The following SBF2 variants were observed in gnomAD, a reference collection of about 807,000 sequenced individuals.
SBF2 encodes the protein myotubularin-related protein 13.
Under a neutral mutation model 225.2 loss-of-function variants are expected in SBF2, and 112 were observed. The observed-to-expected ratio is 0.50, with a 90% CI of 0.43 to 0.58. The LOEUF (loss-of-function observed/expected upper bound fraction) is 0.58. Among genes scored for constraint, SBF2 ranks in the 20% least tolerant of loss-of-function variants. The pLI, the probability that SBF2 is intolerant of heterozygous loss-of-function variation, is 0.00. For synonymous variants in SBF2, 763 were observed against 773.3 expected (o/e 0.99, Z 0.22); for missense variants, 1,996 against 2,206.2 (o/e 0.90, Z 1.91).
rs2134387621 is a variant in SBF2, at chr11:9,968,386, T to C, written c.1555A>G (p.Thr519Ala). ...VAKNQNAPPA[T>A]RIEKKCVVPA... ...ACAACACATTTCTTTTCTATTCGTG[T>C]GGCAGGAGGTGCATTCTGGTTCTTA... is the stretch of plus-strand genomic sequence containing the variant. The change falls in exon 14 of 40, where the codon ACA (threonine) becomes GCA (alanine). Residue 519 changes from threonine (T) to alanine (A), a missense_variant. Physicochemically the swap from Thr to Ala is moderately conservative, Grantham distance 58 (BLOSUM62 0). Transcript: ENST00000256190. The C allele has an allele frequency of 1.9e-6, 3 of 1,614,186 alleles. No homozygotes were observed. The highest frequency in any genetic ancestry group is 2.5e-6 in the Non-Finnish European group (3 of 1,180,030).
chr11:10,296,262 CAAT>C (rs1964547816), upstream of SBF2, among the ~76,000 whole-genome samples: 1 of 152,058 alleles, frequency 6.6e-6, no homozygotes, highest in Non-Finnish European at 1.5e-5. Flanking sequence ...TTTTATGACT[CAAT>C]AATATTCCAT....
chr11:10,293,882 C>T, intron 1 of SBF2, 133 bp downstream of exon 1: 3 of 615,822 alleles, frequency 4.9e-6, no homozygotes, highest in Non-Finnish European at 6.9e-6. Context: ...AGGCCGGACG[C>T]CGACCGCCCG....
chr11:10,232,629 TC>T (rs1958906124), intron 1 of SBF2, among the ~76,000 whole-genome samples: 1 of 151,154 alleles, frequency 6.6e-6, no homozygotes, highest in African/African-American at 2.4e-5. Flanking sequence ...ATTGGTGAGA[TC>T]ATAGCTCACT....
intron 13 of SBF2, among the ~76,000 whole-genome samples, chr11:9,975,238 A>G (rs2134411281): frequency 6.6e-6 from 1 of 152,280 alleles, no homozygotes; most frequent in East Asian, 1.9e-4. Flanking sequence ...TTTATTCATT[A>G]TTGCTAAAAT....
chr11:10,143,928 C>G (rs575343452), intron 2 of SBF2, among the ~76,000 whole-genome samples: 1 of 152,036 alleles, frequency 6.6e-6, no homozygotes, highest in East Asian at 2.0e-4. Flanking sequence ...ACCGCATTAG[C>G]CAGGATGGTC....
Position 10,166,949 on chromosome 11 carries a change from A to C in SBF2, c.141+26953T>G, listed in dbSNP as rs971935293. 4.0e-4 allele frequency among the ~76,000 whole-genome samples: 59 copies of C among 149,288 alleles called. 1 individual carries two copies. The highest frequency in any genetic ancestry group is 1.3e-3 in the African/African-American group (53 of 40,126). On this transcript the variant is annotated intron_variant, in intron 2 of 39. Transcript: ENST00000256190. Reference sequence around the variant, plus strand: ...TGTACTCCAGCCTGGGCAACAGAGCAAGACTCTGTCTCCACACACACACAC... The same window carrying C: ...TGTACTCCAGCCTGGGCAACAGAGCCAGACTCTGTCTCCACACACACACAC...
At chr11:10,245,058 CAGG>C (rs1959635541) in intron 1 of SBF2, among the ~76,000 whole-genome samples, 1 of 145,668 alleles carries the variant, frequency 6.9e-6, no homozygotes, top group African/African-American at 2.5e-5. Context: ...TGCTTACAAC[CAGG>C]AGGTCAAGGC....
chr11:10,029,519 T>C (rs980007261), intron 5 of SBF2, among the ~76,000 whole-genome samples: 2 of 152,188 alleles, frequency 1.3e-5, no homozygotes, highest in Non-Finnish European at 2.9e-5. Flanking sequence ...ACACAAAATA[T>C]GACTTCTAAT....
At chr11:9,878,413 C>G (rs959365693) in intron 17 of SBF2, among the ~76,000 whole-genome samples, 2 of 152,126 alleles carry the variant, frequency 1.3e-5, no homozygotes, top group Admixed American at 6.6e-5. Context: ...TCCCATTTGT[C>G]TATTTTGGCT....
chr11:9,929,681 T>A (rs956972769), intron 16 of SBF2, among the ~76,000 whole-genome samples: 1 of 152,154 alleles, frequency 6.6e-6, no homozygotes, highest in African/African-American at 2.4e-5. Context: ...GTTGAACAAA[T>A]TGGGCTACAA....
intron 28 of SBF2, among the ~76,000 whole-genome samples, chr11:9,820,014 G>A (rs1453038523): frequency 1.3e-5 from 2 of 152,144 alleles, no homozygotes; most frequent in African/African-American, 2.4e-5. Context: ...GCACCAAAAT[G>A]ACAGGCAGTA....
At chr11:10,143,720 TTTTG>T in intron 2 of SBF2, among the ~76,000 whole-genome samples, 1 of 149,874 alleles carries the variant, frequency 6.7e-6, no homozygotes, top group Admixed American at 6.7e-5. Flanking sequence ...GGGTTTTTGC[TTTTG>T]TTTTTTTTTT....
At chr11:9,984,997 CG>C (rs1282475445) in intron 13 of SBF2, among the ~76,000 whole-genome samples, 3 of 152,224 alleles carry the variant, frequency 2.0e-5, no homozygotes, top group Non-Finnish European at 4.4e-5. Context: ...ATAAATCACA[CG>C]GGACCTACAA....
At chr11:10,188,169 G>C (rs1159679361) in intron 2 of SBF2, among the ~76,000 whole-genome samples, 4 of 152,174 alleles carry the variant, frequency 2.6e-5, no homozygotes, top group South Asian at 2.1e-4. Flanking sequence ...AGAAGAAATA[G>C]GATAGTAGCT....
intron 32 of SBF2, among the ~76,000 whole-genome samples, chr11:9,799,076 A>G (rs1479636703): frequency 6.6e-6 from 1 of 152,166 alleles, no homozygotes; most frequent in Non-Finnish European, 1.5e-5. Context: ...TCTTTTCTTG[A>G]TGATTCTGAC....
rs60485793 is a variant in SBF2, at chr11:10,094,528, A to ATTTTTTTTTTTTT, written c.142-51560_142-51548dup. ...TTTTCCCTACTACAAATACACACAG[A>ATTTTTTTTTTTTT]TTTTTTTTTTTTTTTTTTGAGACAG... On this transcript the variant is annotated intron_variant, in intron 2 of 39. Transcript: ENST00000256190. Among the ~76,000 whole-genome samples, 676 of 107,136 alleles carry ATTTTTTTTTTTTT rather than the reference A, an allele frequency of 6.3e-3. 40 individuals carry two copies. Among genetic ancestry groups the ATTTTTTTTTTTTT allele is most frequent in the Non-Finnish European group, 7.8e-3 (417 of 53,202 alleles). The allele number at this position is 107,136 out of a possible 152,430, so 70.3% of individuals were successfully genotyped here.
chr11:10,295,078 CTT>C (rs750232820), upstream of SBF2, among the ~76,000 whole-genome samples: 1 of 152,244 alleles, frequency 6.6e-6, no homozygotes, highest in Non-Finnish European at 1.5e-5. Context: ...GGTGAACTCA[CTT>C]TGTCATTTGT....
chr11:9,912,424 A>C (rs1862712828), intron 16 of SBF2, among the ~76,000 whole-genome samples: 1 of 150,944 alleles, frequency 6.6e-6, no homozygotes, highest in Non-Finnish European at 1.5e-5. Context: ...ATCTCTACTA[A>C]AAATACAAAA....
At chr11:9,952,499 T>C (rs1865916468) in intron 16 of SBF2, among the ~76,000 whole-genome samples, 1 of 152,178 alleles carries the variant, frequency 6.6e-6, no homozygotes, top group African/African-American at 2.4e-5. Context: ...CCTCAAGGCT[T>C]TTCCCGCTGC....
Sources: gnomAD v4.1 joint callset for allele counts (sites outside exome capture counted in the v4.1 genomes callset) on GRCh38, gnomAD v4.1.1 for gene constraint, MANE v1.5 for transcripts, NCBI Gene and HGNC (gene_info 2026-07-23, HGNC 2026-07-21) for gene names.